OSBPL1A: variants seen among roughly 807,000 people sequenced by gnomAD.
The protein encoded by OSBPL1A is oxysterol binding protein like 1A.
In OSBPL1A, 80 loss-of-function variants were observed where a neutral mutation model predicts 137.1. That is an observed-to-expected ratio of 0.58 (90% CI 0.49 to 0.70). The LOEUF is 0.70. Among genes scored for constraint, OSBPL1A ranks in the 30% least tolerant of loss-of-function variants. OSBPL1A has a pLI of 0.00. For missense variants in OSBPL1A, 970 were observed against 1,129.4 expected (o/e 0.86, Z 2.02); for synonymous variants, 365 against 389.7 (o/e 0.94, Z 0.75).
At chr18:24,228,656 T>A (rs1424048638) in intron 16 of OSBPL1A, among the ~76,000 whole-genome samples, 1 of 152,164 alleles carries the variant, frequency 6.6e-6, no homozygotes, top group Admixed American at 6.6e-5. Context: ...AAAGGAGGCA[T>A]CAGTCAACTT....
rs1335604366 is a variant in OSBPL1A at position 24,317,235 on chromosome 18, T to A, written c.807-23A>T. 11 of 1,612,916 alleles carry A rather than the reference T, an allele frequency of 6.8e-6. No homozygotes were observed. In the South Asian group the frequency reaches 1.2e-4, roughly 18 times the overall value. On this transcript the variant is annotated intron_variant, in intron 10 of 27. Coordinates refer to ENST00000319481, the MANE Select transcript of OSBPL1A (RefSeq NM_080597.4). Reference sequence around the variant, plus strand: ...GGCCTTCAAAATAAAAATGAAATTATCAAGACAAAAGGAAAAGAGACAAGT... The same window carrying A: ...GGCCTTCAAAATAAAAATGAAATTAACAAGACAAAAGGAAAAGAGACAAGT...
intron 4 of OSBPL1A, among the ~76,000 whole-genome samples, chr18:24,353,253 C>T (rs8088869): frequency 0.22 from 33,785 of 151,728 alleles, 4,275 homozygotes; most frequent in East Asian, 0.5. Context: ...AAAAAGTGGG[C>T]GAAGGAGATG....
intron 15 of OSBPL1A, among the ~76,000 whole-genome samples, chr18:24,248,433 C>A (rs755531515): frequency 1.3e-5 from 2 of 152,172 alleles, no homozygotes; most frequent in African/African-American, 2.4e-5. Flanking sequence ...ACTAAAAATG[C>A]CCCTTTCTTA....
intron 1 of OSBPL1A, among the ~76,000 whole-genome samples, chr18:24,388,908 T>G (rs955197691): frequency 1.5e-4 from 23 of 152,134 alleles, no homozygotes; most frequent in African/African-American, 5.6e-4. Context: ...TGATGCATCT[T>G]TAATTCGTAA....
At chr18:24,234,201 C>T (rs980790811) in intron 16 of OSBPL1A, among the ~76,000 whole-genome samples, 1 of 152,144 alleles carries the variant, frequency 6.6e-6, no homozygotes, top group Non-Finnish European at 1.5e-5. Flanking sequence ...TTGAAGAATA[C>T]TTTATCCACA....
Position 24,171,390 on chromosome 18 carries a change from T to A in OSBPL1A, c.2291+19A>T. 2 of 1,574,172 alleles carry A rather than the reference T, an allele frequency of 1.3e-6. No homozygotes were observed. The highest frequency in any genetic ancestry group is 1.7e-6 in the Non-Finnish European group (2 of 1,150,178). On this transcript the variant is annotated intron_variant, in intron 23 of 27. Coordinates refer to ENST00000319481, the MANE Select transcript of OSBPL1A (RefSeq NM_080597.4). ...TGAACAAAATCTATACTATTCAACA[T>A]TTAAAAGAGAAATTTTACCTTTTAT...
chr18:24,239,163 A>T (rs1225691994), intron 16 of OSBPL1A, 57 bp downstream of exon 16: 2 of 1,584,904 alleles, frequency 1.3e-6, no homozygotes, highest in Non-Finnish European at 1.7e-6. Flanking sequence ...GACATTGCTC[A>T]TTTAGGTGGT....
chr18:24,194,098 C>T (rs1190955953), intron 18 of OSBPL1A, among the ~76,000 whole-genome samples: 3 of 152,130 alleles, frequency 2.0e-5, no homozygotes, highest in African/African-American at 7.2e-5. Context: ...CCCAGTGAAA[C>T]AGGAGAGAGC....
chr18:24,320,496 T>C (rs67514888), intron 7 of OSBPL1A, among the ~76,000 whole-genome samples: 58,647 of 151,872 alleles, frequency 0.39, 11,933 homozygotes, highest in African/African-American at 0.47. Context: ...GGGAAGGACA[T>C]TCTAGCAGAG....
At chr18:24,395,788 A>AT (rs1907693307) in intron 1 of OSBPL1A, among the ~76,000 whole-genome samples, 1 of 151,392 alleles carries the variant, frequency 6.6e-6, no homozygotes, top group Non-Finnish European at 1.5e-5. Context: ...CGCCCGGCTA[A>AT]TTTTTGTATT....
intron 17 of OSBPL1A, among the ~76,000 whole-genome samples, chr18:24,222,392 A>G (rs903081136): frequency 6.6e-6 from 1 of 152,166 alleles, no homozygotes; most frequent in Non-Finnish European, 1.5e-5. Flanking sequence ...GTTGAAGTAA[A>G]TATCAGTATC....
intron 17 of OSBPL1A, among the ~76,000 whole-genome samples, chr18:24,221,504 T>C (rs1567955490): frequency 6.6e-6 from 1 of 152,022 alleles, no homozygotes. Flanking sequence ...ATCATATTTC[T>C]GTTATAAAAA....
chr18:24,214,757 A>G (rs1385104913), intron 17 of OSBPL1A, among the ~76,000 whole-genome samples: 1 of 152,224 alleles, frequency 6.6e-6, no homozygotes, highest in African/African-American at 2.4e-5. Flanking sequence ...GGGTTTGGGG[A>G]AAACTGTGCA....
chr18:24,295,750 C>T (rs865915119), intron 14 of OSBPL1A, among the ~76,000 whole-genome samples: 11 of 151,902 alleles, frequency 7.2e-5, no homozygotes, highest in Non-Finnish European at 1.5e-4. Flanking sequence ...TTGAATAGGC[C>T]GTCCTTTCCC....
chr18:24,238,025 T>G (rs891499996), intron 16 of OSBPL1A, among the ~76,000 whole-genome samples: 3 of 152,222 alleles, frequency 2.0e-5, no homozygotes, highest in African/African-American at 7.2e-5. Flanking sequence ...CCTCTATTAA[T>G]AATGTTCCTA....
chr18:24,185,612 C>G (rs1443949366), intron 18 of OSBPL1A, among the ~76,000 whole-genome samples: 1 of 152,074 alleles, frequency 6.6e-6, no homozygotes, highest in African/African-American at 2.4e-5. Flanking sequence ...AGCCACTGCA[C>G]CCATCCAGGT....
intron 17 of OSBPL1A, among the ~76,000 whole-genome samples, chr18:24,203,751 G>A (rs1216172326): frequency 2.0e-5 from 3 of 152,122 alleles, no homozygotes; most frequent in Non-Finnish European, 4.4e-5. Flanking sequence ...ATGCATGTGT[G>A]CACACACAAA....
intron 2 of OSBPL1A, 104 bp from the exon 3 acceptor site, chr18:24,368,476 G>T: frequency 1.2e-6 from 1 of 824,638 alleles, no homozygotes; most frequent in Non-Finnish European, 2.0e-6. Flanking sequence ...CCTTTGCAAT[G>T]CATTGCTGAT....
At chr18:24,183,578 G>A (rs1041939556) in intron 18 of OSBPL1A, among the ~76,000 whole-genome samples, 2 of 151,738 alleles carry the variant, frequency 1.3e-5, no homozygotes, top group Admixed American at 6.6e-5. Flanking sequence ...AACTACAGGC[G>A]TGCAGCACCA....
Sources: gnomAD v4.1 joint callset for allele counts (sites outside exome capture counted in the v4.1 genomes callset) on GRCh38, gnomAD v4.1.1 for gene constraint, MANE v1.5 for transcripts, NCBI Gene and HGNC (gene_info 2026-07-23, HGNC 2026-07-21) for gene names.